KCNQ1: variants seen among roughly 807,000 people sequenced by gnomAD.
KCNQ1 encodes potassium voltage-gated channel subfamily KQT member 1.
KCNQ1 carries 49 observed loss-of-function variants against 72.4 expected under a neutral mutation model. That is an observed-to-expected ratio of 0.68 (90% confidence interval 0.54 to 0.86). KCNQ1 has a LOEUF of 0.86. KCNQ1 is among the 40% of genes least tolerant of loss of function. The pLI, the probability that KCNQ1 is intolerant of heterozygous loss-of-function variation, is 0.00. For missense variants in KCNQ1, 790 were observed against 945.1 expected, an observed-to-expected ratio of 0.84 and a Z score of 2.15; for synonymous variants, 450 against 412.6, an observed-to-expected ratio of 1.09 and a Z score of -1.10.
chr11:2,727,246 C>T (rs557480368), intron 11 of KCNQ1, among the ~76,000 whole-genome samples: 14 of 152,264 alleles, frequency 9.2e-5, no homozygotes, highest in African/African-American at 3.4e-4. Context: ...GGGATGTGCT[C>T]AGGCCCTGGA....
Position 2,445,185 on chromosome 11 carries a change from C to T in KCNQ1, c.87C>T (p.Gly29=), listed in dbSNP as rs1846015444. The T allele has an allele frequency of 8.7e-7, 1 of 1,145,700 alleles. No homozygotes were observed. Among genetic ancestry groups the T allele is most frequent in the South Asian group, 2.9e-5 (1 of 34,732 alleles). 71.0% of individuals were successfully genotyped at this position (1,145,700 alleles called of 1,614,324 possible). A position where few individuals can be genotyped will look rare whatever the true frequency, so the allele number is the denominator to read the frequency against. ...CAGGCGCCCGGCGGGGCAGCGCGGG[C>T]CTGGCCAAGAAGTGCCCCTTCTCGC... is the stretch of plus-strand genomic sequence containing the variant. ...RLPGARRGSA[G]LAKKCPFSLE... The change falls in exon 1 of 16, where the codon GGC becomes GGT. Residue 29 remains glycine (G), a synonymous_variant. Coordinates refer to ENST00000155840, the MANE Select transcript of KCNQ1 (RefSeq NM_000218.3).
chr11:2,573,206 G>C (rs1848368383), intron 6 of KCNQ1, among the ~76,000 whole-genome samples: 1 of 152,186 alleles, frequency 6.6e-6, no homozygotes, highest in African/African-American at 2.4e-5. Flanking sequence ...GTTCTGAATG[G>C]TCTCATCCTT....
rs374601526 is a variant in KCNQ1 at position 2,549,283 on chromosome 11, T to C, written c.477+21265T>C. On this transcript the variant is annotated intron_variant, in intron 2 of 15. Transcript: ENST00000155840. The surrounding 1 kb of genome is among the most constrained non-coding windows in gnomAD (Gnocchi z 6.2). ...GTGCCAGGATGCTGGGGTGGGGCTA[T>C]GGGGAAGGAAGACATGTGGGCCAGG... Among the ~76,000 whole-genome samples the C allele has an allele frequency of 4.6e-5, 7 of 152,174 alleles. No homozygotes were observed. In the East Asian group the frequency reaches 9.7e-4, roughly 21 times the overall value.
At chr11:2,648,045 C>A (rs1220427860) in intron 10 of KCNQ1, 8 of 388,856 alleles carry the variant, frequency 2.1e-5, no homozygotes, top group Admixed American at 1.9e-4. Flanking sequence ...AAACCCCCAT[C>A]TCTACCAAAA....
At position 2,563,137 on chromosome 11, in the gene KCNQ1, C is replaced by T. The variant is rs1485389887; in HGVS notation, c.478-7491C>T. On this transcript the variant is annotated intron_variant, in intron 2 of 15. Transcript: ENST00000155840. The surrounding 1 kb of genome is among the most constrained non-coding windows in gnomAD (Gnocchi z 7.4). The stretch of plus-strand genomic sequence containing the variant: ...TGACACAGGGACCTTCTCTAGGGTC[C>T]TAAATTATGTGGTTCCAGCAGCATG... Among the ~76,000 whole-genome samples, 3 of 152,154 alleles carry T rather than the reference C, an allele frequency of 2.0e-5. No individual in the cohort carries two copies. Among genetic ancestry groups the T allele is most frequent in the South Asian group, 2.1e-4 (1 of 4,824 alleles).
chr11:2,472,543 T>A (rs1846501968), intron 1 of KCNQ1, among the ~76,000 whole-genome samples: 2 of 152,234 alleles, frequency 1.3e-5, no homozygotes, highest in South Asian at 2.1e-4. Flanking sequence ...GGTCGTGGCC[T>A]GGGCTACTTT....
Position 2,668,322 on chromosome 11 carries a change from T to C in KCNQ1, c.1514+6241T>C. ...GTTGCGTTTCTGGGGAATATATGCC[T>C]ATGTGTGGAGCTGCAGGGTCCTGGG... On this transcript the variant is annotated intron_variant, in intron 11 of 15. Transcript: ENST00000155840. The surrounding 1 kb of genome is among the most constrained non-coding windows in gnomAD (Gnocchi z 4.3). 1 of 398,646 alleles carries C rather than the reference T, an allele frequency of 2.5e-6. No individual in the cohort carries two copies. 24.7% of individuals were successfully genotyped at this position (398,646 alleles called of 1,614,324 possible). A position where few individuals can be genotyped will look rare whatever the true frequency, so the allele number is the denominator to read the frequency against.
rs934721104 is a variant in KCNQ1 at position 2,567,056 on chromosome 11, T to G, written c.478-3572T>G. 6.6e-6 allele frequency among the ~76,000 whole-genome samples: 1 copy of G among 151,078 alleles called. No homozygotes were observed. Among genetic ancestry groups the G allele is most frequent in the African/African-American group, 2.4e-5 (1 of 41,116 alleles). ...GGTGCCCCAGGGAATGGGGGGCACC[T>G]GGGGCCCACGGGAGGCTCTGGGGGA... On this transcript the variant is annotated intron_variant, in intron 2 of 15. Coordinates refer to ENST00000155840, the MANE Select transcript of KCNQ1 (RefSeq NM_000218.3). This position sits in a 1 kb window ranked among gnomAD's most constrained non-coding sequence, Gnocchi z 6.6.
chr11:2,587,828 G>A (rs879320087), intron 9 of KCNQ1, 136 bp downstream of exon 9: 23 of 1,245,472 alleles, frequency 1.8e-5, no homozygotes, highest in African/African-American at 1.2e-4. Context: ...AGCATCGTTC[G>A]GGACACTGGG....
intron 10 of KCNQ1, chr11:2,656,394 T>A: frequency 2.5e-6 from 1 of 398,666 alleles, no homozygotes; most frequent in Non-Finnish European, 4.4e-6. Context: ...AAGGATGTCA[T>A]GGGCACAGAG....
In KCNQ1 at chr11:2,536,799, C is replaced by T. The variant is rs759198537; in HGVS notation, c.477+8781C>T. On this transcript the variant is annotated intron_variant, in intron 2 of 15. Transcript: ENST00000155840. The surrounding 1 kb of genome is among the most constrained non-coding windows in gnomAD (Gnocchi z 7.4). ...GCTGGGCGGCTTAAACCGTGGAGGT[C>T]GCCCTCTCACAGCTCTGGACGATGG... 1.3e-5 allele frequency among the ~76,000 whole-genome samples: 2 copies of T among 152,086 alleles called. No homozygotes were observed. The highest frequency in any genetic ancestry group is 2.4e-5 in the African/African-American group (1 of 41,342).
intron 11 of KCNQ1, among the ~76,000 whole-genome samples, chr11:2,747,097 C>G (rs967354669): frequency 6.6e-6 from 1 of 152,220 alleles, no homozygotes; most frequent in Non-Finnish European, 1.5e-5. Context: ...TGGGCACATC[C>G]GAGCCCAGCC....
chr11:2,461,513 CAT>C (rs1302475322), intron 1 of KCNQ1: 4 of 1,328,392 alleles, frequency 3.0e-6, no homozygotes, highest in Non-Finnish European at 4.0e-6. Flanking sequence ...TGCGCCTGCA[CAT>C]GTGTGTGTCT....
intron 1 of KCNQ1, among the ~76,000 whole-genome samples, chr11:2,455,635 G>A (rs1426512884): frequency 3.9e-5 from 6 of 152,138 alleles, no homozygotes; most frequent in South Asian, 2.1e-4. Flanking sequence ...ATGGCCATAC[G>A]GCCCAAAGCA....
At chr11:2,740,115 A>G (rs924936939) in intron 11 of KCNQ1, among the ~76,000 whole-genome samples, 16 of 151,874 alleles carry the variant, frequency 1.1e-4, no homozygotes, top group Admixed American at 8.5e-4. Context: ...GGTGCCAGTG[A>G]CTCTGGTTGC....
At chr11:2,777,088 A>T in intron 14 of KCNQ1, 56 bp downstream of exon 14, 1 of 1,539,112 alleles carries the variant, frequency 6.5e-7, no homozygotes, top group Non-Finnish European at 9.0e-7. Context: ...ACTCTCCCGC[A>T]CCTCTGCCCT....
Position 2,516,066 on chromosome 11 carries a change from C to T in KCNQ1, c.387-11862C>T, listed in dbSNP as rs1199146434. On this transcript the variant is annotated intron_variant, in intron 1 of 15. Transcript: ENST00000155840. This position sits in a 1 kb window ranked among gnomAD's most constrained non-coding sequence, Gnocchi z 7.0. The stretch of plus-strand genomic sequence containing the variant: ...GGCCAGGGCTCCTGCTGGAATCTCC[C>T]TGTGGAAGGCCAGGCTGCCTGGATG... 6.6e-6 allele frequency among the ~76,000 whole-genome samples: 1 copy of T among 152,142 alleles called. No homozygotes were observed. The highest frequency in any genetic ancestry group is 1.9e-4 in the East Asian group (1 of 5,172).
chr11:2,770,921 G>T (rs1387051221), intron 12 of KCNQ1, among the ~76,000 whole-genome samples: 1 of 152,252 alleles, frequency 6.6e-6, no homozygotes, highest in Non-Finnish European at 1.5e-5. Context: ...TCTGGGCAGG[G>T]CAGTCCCCCG....
At position 2,563,471 on chromosome 11, in the gene KCNQ1, C is replaced by T. The variant is rs907858777; in HGVS notation, c.478-7157C>T. Among the ~76,000 whole-genome samples, 3 of 152,208 alleles carry T rather than the reference C, an allele frequency of 2.0e-5. No individual in the cohort carries two copies. The highest frequency in any genetic ancestry group is 4.4e-5 in the Non-Finnish European group (3 of 68,032). On this transcript the variant is annotated intron_variant, in intron 2 of 15. Coordinates refer to ENST00000155840, the MANE Select transcript of KCNQ1 (RefSeq NM_000218.3). This position sits in a 1 kb window ranked among gnomAD's most constrained non-coding sequence, Gnocchi z 7.4. ...CGGATACCAGCATGGGGTCGGCCTG[C>T]GGGGCCATGTGTCTCCTCCTGTGTG...
Sources: gnomAD v4.1 joint callset for allele counts (sites outside exome capture counted in the v4.1 genomes callset) on GRCh38, gnomAD v4.1.1 for gene constraint, Gnocchi (gnomAD v3.1) non-coding constraint, MANE v1.5 for transcripts, NCBI Gene and HGNC (gene_info 2026-07-23, HGNC 2026-07-21) for gene names.